Variants in RBFOX1 observed in about 807,000 individuals in gnomAD.
The protein encoded by RBFOX1 is RNA binding fox-1 homolog 1.
Under a neutral mutation model 57.7 loss-of-function variants are expected in RBFOX1, and 8 were observed. The ratio of observed to expected loss-of-function variants is 0.14; its 90% CI spans 0.08 to 0.25. The LOEUF is 0.25. RBFOX1 is among the 10% of genes least tolerant of loss of function. The pLI, the probability that RBFOX1 is intolerant of heterozygous loss-of-function variation, is 1.00. For synonymous variants in RBFOX1, 326 were observed against 222.4 expected, an observed-to-expected ratio of 1.47 and a Z score of -4.15; for missense variants, 611 against 548.5, an observed-to-expected ratio of 1.11 and a Z score of -1.14.
chr16:7,215,176 G>T (rs1187540258), intron 4 of RBFOX1, among the ~76,000 whole-genome samples: 3 of 152,150 alleles, frequency 2.0e-5, no homozygotes, highest in Non-Finnish European at 4.4e-5. Context: ...TTCTGTTCCT[G>T]TGTTAGTTTG....
At chr16:6,562,567 G>C (rs1299737575) in intron 2 of RBFOX1, among the ~76,000 whole-genome samples, 8 of 152,158 alleles carry the variant, frequency 5.3e-5, no homozygotes, top group Non-Finnish European at 1.0e-4. Flanking sequence ...GTGTGTAATT[G>C]GATATTTCAC....
chr16:6,356,754 T>G (rs1474984094), intron 2 of RBFOX1, among the ~76,000 whole-genome samples: 1 of 152,202 alleles, frequency 6.6e-6, no homozygotes, highest in Non-Finnish European at 1.5e-5. Context: ...TCATTCCAAG[T>G]GCAGACTTTA....
intron 2 of RBFOX1, among the ~76,000 whole-genome samples, chr16:5,534,642 G>A (rs545517514): frequency 1.6e-4 from 25 of 152,254 alleles, no homozygotes; most frequent in Non-Finnish European, 2.1e-4. Context: ...TAGCATGCTG[G>A]CATCCGATTA....
Position 6,207,933 on chromosome 16 carries a change from G to A in RBFOX1, c.-126-109062G>A, listed in dbSNP as rs137921986. Among the ~76,000 whole-genome samples, 153 of 151,774 alleles carry A rather than the reference G, an allele frequency of 1.0e-3. 1 individual carries two copies. Among genetic ancestry groups the A allele is most frequent in the African/African-American group, 3.5e-3 (145 of 41,358 alleles). ...TTTTAAAATGTGACTCCAAATTATC[G>A]GTTTACTTCAGAATTTTTTTTAACA... On this transcript the variant is annotated intron_variant, in intron 1 of 15. Transcript: ENST00000550418.
chr16:6,765,678 T>C (rs2077226487), intron 3 of RBFOX1, among the ~76,000 whole-genome samples: 1 of 152,160 alleles, frequency 6.6e-6, no homozygotes, highest in South Asian at 2.1e-4. Flanking sequence ...GAAAGATGCC[T>C]GCTTGCATAT....
At chr16:6,659,556 C>G (rs932101352) in intron 3 of RBFOX1, among the ~76,000 whole-genome samples, 2 of 152,086 alleles carry the variant, frequency 1.3e-5, no homozygotes, top group African/African-American at 4.8e-5. Context: ...ATAAAGGAAG[C>G]TCAGGCACAT....
chr16:7,600,273 T>TA (rs1177082190), intron 9 of RBFOX1, among the ~76,000 whole-genome samples: 1 of 152,174 alleles, frequency 6.6e-6, no homozygotes, highest in Non-Finnish European at 1.5e-5. Context: ...CAGTAGAATT[T>TA]ATTTAAAACA....
intron 3 of RBFOX1, among the ~76,000 whole-genome samples, chr16:7,030,291 C>G (rs1209862631): frequency 3.9e-5 from 6 of 152,110 alleles, no homozygotes; most frequent in African/African-American, 1.4e-4. Context: ...CTTTCATACC[C>G]ATTTTACAGA....
intron 2 of RBFOX1, among the ~76,000 whole-genome samples, chr16:6,558,972 C>G (rs1308468355): frequency 6.6e-6 from 1 of 152,138 alleles, no homozygotes; most frequent in Non-Finnish European, 1.5e-5. Flanking sequence ...ACTCTCTACT[C>G]AAAAATGCCG....
At chr16:5,756,208 C>T (rs1018597319) in intron 3 of RBFOX1, among the ~76,000 whole-genome samples, 3 of 113,482 alleles carry the variant, frequency 2.6e-5, no homozygotes, top group Admixed American at 1.2e-4. Flanking sequence ...CCCCTTCTTA[C>T]ATCTTCCACA....
intron 1 of RBFOX1, among the ~76,000 whole-genome samples, chr16:6,056,453 C>T (rs2095615763): frequency 6.6e-6 from 1 of 152,146 alleles, no homozygotes; most frequent in African/African-American, 2.4e-5. Flanking sequence ...TTCTGCTTTA[C>T]CCATTTGTGT....
At chr16:6,478,504 G>A (rs2095320426) in intron 2 of RBFOX1, among the ~76,000 whole-genome samples, 1 of 140,728 alleles carries the variant, frequency 7.1e-6, no homozygotes, top group Non-Finnish European at 1.5e-5. Context: ...TGGAACTCCT[G>A]ACCTTGTGAT....
At chr16:5,846,029 C>G (rs1430046746) in intron 3 of RBFOX1, among the ~76,000 whole-genome samples, 2 of 151,950 alleles carry the variant, frequency 1.3e-5, no homozygotes, top group African/African-American at 4.8e-5. Flanking sequence ...AAAAATTACC[C>G]AGGCATGGAG....
At chr16:5,347,274 A>G (rs9931458) in intron 1 of RBFOX1, among the ~76,000 whole-genome samples, 18,646 of 152,138 alleles carry the variant, frequency 0.12, 2,912 homozygotes, top group African/African-American at 0.37. Context: ...TTGCTTATAC[A>G]TTCAGTGCTG....
At chr16:7,408,635 G>A (rs1287398405) in intron 4 of RBFOX1, among the ~76,000 whole-genome samples, 9 of 152,166 alleles carry the variant, frequency 5.9e-5, no homozygotes, top group African/African-American at 2.2e-4. Context: ...AGCAATCAAG[G>A]CTGCTATCTC....
At chr16:5,771,567 C>T (rs928976012) in intron 3 of RBFOX1, among the ~76,000 whole-genome samples, 2 of 152,128 alleles carry the variant, frequency 1.3e-5, no homozygotes, top group Admixed American at 6.5e-5. Context: ...CGCCACCATG[C>T]CTGGCTAATT....
At chr16:5,609,942 T>A (rs1211299459) in intron 3 of RBFOX1, among the ~76,000 whole-genome samples, 1 of 152,142 alleles carries the variant, frequency 6.6e-6, no homozygotes, top group African/African-American at 2.4e-5. Context: ...GAGTTTTTAT[T>A]CAAATATTAT....
chr16:7,608,461 C>T (rs1466315331), intron 10 of RBFOX1, among the ~76,000 whole-genome samples: 3 of 152,198 alleles, frequency 2.0e-5, no homozygotes, highest in South Asian at 2.1e-4. Context: ...TTACCGGGAG[C>T]CTGGGTTAAG....
intron 3 of RBFOX1, among the ~76,000 whole-genome samples, chr16:5,736,777 CTGTT>C (rs937414471): frequency 1.3e-5 from 2 of 151,750 alleles, no homozygotes; most frequent in African/African-American, 2.4e-5. Context: ...TTCTCTCCAT[CTGTT>C]TATGTGTCTG....
Sources: gnomAD v4.1 joint callset for allele counts (sites outside exome capture counted in the v4.1 genomes callset) on GRCh38, gnomAD v4.1.1 for gene constraint, MANE v1.5 for transcripts, NCBI Gene and HGNC (gene_info 2026-07-23, HGNC 2026-07-21) for gene names.